Variants in SEC24D observed in about 807,000 individuals in gnomAD.
SEC24D encodes the protein protein transport protein Sec24D.
Under a neutral mutation model 116.9 loss-of-function variants are expected in SEC24D, and 69 were observed. The ratio of observed to expected loss-of-function variants is 0.59; its 90% confidence interval spans 0.49 to 0.72. SEC24D has a LOEUF of 0.72. Ranked by LOEUF, SEC24D falls within the 30% of genes least tolerant of loss-of-function variation. The pLI, the probability that SEC24D is intolerant of heterozygous loss-of-function variation, is 0.00. For missense variants in SEC24D, 1,131 were observed against 1,264.1 expected, an observed-to-expected ratio of 0.89 and a Z score of 1.60; for synonymous variants, 405 against 442.8, an observed-to-expected ratio of 0.91 and a Z score of 1.07.
intron 8 of SEC24D, chr4:118,769,750 T>TC (rs1304177663): frequency 1.3e-5 from 2 of 152,182 alleles, no homozygotes; most frequent in African/African-American, 4.8e-5. Context: ...AATGCCCTCT[T>TC]CCCCGCATCT....
chr4:118,827,129 G>C (rs946121206), intron 2 of SEC24D, among the ~76,000 whole-genome samples: 1 of 152,164 alleles, frequency 6.6e-6, no homozygotes, highest in Admixed American at 6.5e-5. Context: ...ACATGAGAGA[G>C]GATGGCACGA....
intron 8 of SEC24D, among the ~76,000 whole-genome samples, chr4:118,789,696 T>C (rs982514604): frequency 6.6e-6 from 1 of 152,256 alleles, no homozygotes; most frequent in African/African-American, 2.4e-5. Flanking sequence ...GTGATTCTCC[T>C]GCCTCAGCCT....
In SEC24D at chr4:118,771,746, C is replaced by A. The variant is rs1014873868; in HGVS notation, c.1042-3435G>T. Among the ~76,000 whole-genome samples the A allele has an allele frequency of 3.9e-5, 6 of 152,260 alleles. No individual in the cohort carries two copies. In the East Asian group the frequency reaches 5.8e-4, roughly 15 times the overall value. On this transcript the variant is annotated intron_variant, in intron 8 of 22. Coordinates refer to ENST00000280551, the MANE Select transcript of SEC24D (RefSeq NM_014822.4). ...TGTATCCACCAATGCCTTCTTAATACCACTAGTAAAATTTTAAAAGTCTTC... is the reference window on the plus strand; with the variant it reads ...TGTATCCACCAATGCCTTCTTAATAACACTAGTAAAATTTTAAAAGTCTTC...
chr4:118,810,130 G>GTT (rs1729854474), intron 6 of SEC24D, among the ~76,000 whole-genome samples: 3 of 124,390 alleles, frequency 2.4e-5, no homozygotes, highest in African/African-American at 7.8e-5. Context: ...GTGTGTGTGT[G>GTT]TGTGTGTCAG....
intron 20 of SEC24D, among the ~76,000 whole-genome samples, 169 bp downstream of exon 20, chr4:118,732,564 C>G (rs1206478099): frequency 6.6e-6 from 1 of 152,232 alleles, no homozygotes; most frequent in African/African-American, 2.4e-5. Context: ...ACATAAGCAA[C>G]TTGCAGAAAG....
intron 8 of SEC24D, among the ~76,000 whole-genome samples, chr4:118,793,582 C>T (rs1238633644): frequency 6.6e-6 from 1 of 151,990 alleles, no homozygotes; most frequent in Non-Finnish European, 1.5e-5. Context: ...GGTGGCTCTC[C>T]AAGTTTAGGT....
intron 7 of SEC24D, among the ~76,000 whole-genome samples, chr4:118,800,304 G>T (rs1017652363): frequency 1.3e-5 from 2 of 152,202 alleles, no homozygotes; most frequent in African/African-American, 4.8e-5. Context: ...GGAAGTTTAT[G>T]GTCCTGAGCT....
intron 8 of SEC24D, among the ~76,000 whole-genome samples, chr4:118,794,872 A>G (rs920820876): frequency 6.6e-6 from 1 of 152,224 alleles, no homozygotes; most frequent in Non-Finnish European, 1.5e-5. Flanking sequence ...GAAATAATAT[A>G]AAATCAGCAC....
chr4:118,732,948 C>G (rs375430685), intron 19 of SEC24D, 36 bp from the exon 20 acceptor site: 6 of 1,542,136 alleles, frequency 3.9e-6, no homozygotes, highest in African/African-American at 2.7e-5. Flanking sequence ...TACGCTTGAT[C>G]TTTACTGAGA....
Position 118,817,266 on chromosome 4 carries a change from T to C in SEC24D, c.395A>G (p.Tyr132Cys). The change falls in exon 4 of 23, where the codon TAT becomes TGT. Residue 132 changes from tyrosine to cysteine, a missense_variant and splice_region_variant. Coordinates refer to ENST00000280551, the MANE Select transcript of SEC24D (RefSeq NM_014822.4). ...SQLSAMQINS[Y>C]GSGMAPPSQG... Reference sequence around the variant, plus strand: ...AACACTAATAATAAAACTATTACCATAGCTGTTGATTTGCATAGCACTGAG... The same window carrying C: ...AACACTAATAATAAAACTATTACCACAGCTGTTGATTTGCATAGCACTGAG... 1 of 1,601,616 alleles carries C rather than the reference T, an allele frequency of 6.2e-7. No homozygotes were observed. Among genetic ancestry groups the C allele is most frequent in the South Asian group, 1.1e-5 (1 of 88,394 alleles).
In SEC24D at chr4:118,779,063, C is replaced by T. The variant is rs373918001; in HGVS notation, c.1042-10752G>A. The stretch of plus-strand genomic sequence containing the variant: ...TCATCTGCAAACAGGGACAATTTGA[C>T]TTCCTCTTTTCCTAATTAAATACGC... On this transcript the variant is annotated intron_variant, in intron 8 of 22. Transcript: ENST00000280551. Among the ~76,000 whole-genome samples, 2 of 152,300 alleles carry T rather than the reference C, an allele frequency of 1.3e-5. 1 individual carries two copies. The highest frequency in any genetic ancestry group is 3.9e-4 in the East Asian group (2 of 5,190).
intron 22 of SEC24D, among the ~76,000 whole-genome samples, chr4:118,727,016 T>A (rs1725449987): frequency 6.6e-6 from 1 of 152,198 alleles, no homozygotes; most frequent in Non-Finnish European, 1.5e-5. Flanking sequence ...GAATGCTAAG[T>A]GCACTGGGAC....
At chr4:118,781,935 A>G (rs548809306) in intron 8 of SEC24D, among the ~76,000 whole-genome samples, 26 of 152,306 alleles carry the variant, frequency 1.7e-4, no homozygotes, top group Non-Finnish European at 3.7e-4. Flanking sequence ...CAGCTCCATC[A>G]GGTCATTTAA....
chr4:118,753,767 C>T (rs917275782), intron 11 of SEC24D, among the ~76,000 whole-genome samples: 21 of 152,060 alleles, frequency 1.4e-4, no homozygotes, highest in African/African-American at 4.3e-4. Context: ...TATTGATGCT[C>T]TTACCAATTT....
Position 118,732,893 on chromosome 4 carries a change from A to G in SEC24D, c.2516T>C (p.Met839Thr). The change falls in exon 20 of 23, where the codon ATG becomes ACG. Residue 839 changes from methionine to threonine, a missense_variant. Coordinates refer to ENST00000280551, the MANE Select transcript of SEC24D (RefSeq NM_014822.4). ...ATTCATGTACACTGGCAATACTTTC[A>G]TGGAATCTGGTAGAATAAGCTGAAA... ...AASQLILPDS[M>T]KVLPVYMNCL... 1 of 1,613,750 alleles carries G rather than the reference A, an allele frequency of 6.2e-7. No homozygotes were observed. Among genetic ancestry groups the G allele is most frequent in the Non-Finnish European group, 8.5e-7 (1 of 1,179,790 alleles).
chr4:118,822,568 T>A (rs1259806817), intron 3 of SEC24D, among the ~76,000 whole-genome samples: 1 of 152,094 alleles, frequency 6.6e-6, no homozygotes, highest in Non-Finnish European at 1.5e-5. Context: ...GCCTGGAAGT[T>A]TACAACAATT....
chr4:118,815,728 T>C lies in SEC24D; in HGVS notation c.398-2A>G, dbSNP rs770063654. The C allele has an allele frequency of 1.2e-6, 2 of 1,613,134 alleles. No individual in the cohort carries two copies. Among genetic ancestry groups the C allele is most frequent in the African/African-American group, 2.7e-5 (2 of 74,890 alleles). On this transcript the variant is annotated splice_acceptor_variant, in intron 4 of 22. Transcript: ENST00000280551. LOFTEE classifies it high-confidence loss of function. ...GGCTTGGAGGAGCCATGCCTGAACC[T>C]GTGTGAGAAAGGAGACCAGCCCACT...
At chr4:118,741,352 G>A (rs752683802) in intron 15 of SEC24D, among the ~76,000 whole-genome samples, 1 of 152,138 alleles carries the variant, frequency 6.6e-6, no homozygotes, top group African/African-American at 2.4e-5. Context: ...TAGAGACAAG[G>A]TTAAGACCCA....
intron 8 of SEC24D, among the ~76,000 whole-genome samples, chr4:118,780,327 C>G (rs548169398): frequency 1.2e-4 from 19 of 152,302 alleles, no homozygotes; most frequent in Admixed American, 1.1e-3. Context: ...TTTCAAAGAA[C>G]ATTGTTATTT....
Sources: gnomAD v4.1 joint callset for allele counts (sites outside exome capture counted in the v4.1 genomes callset) on GRCh38, gnomAD v4.1.1 for gene constraint, MANE v1.5 for transcripts, NCBI Gene and HGNC (gene_info 2026-07-23, HGNC 2026-07-21) for gene names.